Variants in KCNH8 observed in about 807,000 individuals in gnomAD.
KCNH8 encodes the protein potassium voltage-gated channel subfamily H member 8.
Under a neutral mutation model 103.6 loss-of-function variants are expected in KCNH8, and 70 were observed. The observed-to-expected ratio is 0.68, with a 90% CI of 0.56 to 0.82. The LOEUF is 0.82. Among genes scored for constraint, KCNH8 ranks in the 40% least tolerant of loss-of-function variants. KCNH8 has a pLI of 0.00. For missense variants in KCNH8, 1,217 were observed against 1,329.9 expected, an observed-to-expected ratio of 0.92 and a Z score of 1.32; for synonymous variants, 498 against 489.4, an observed-to-expected ratio of 1.02 and a Z score of -0.23.
intron 5 of KCNH8, among the ~76,000 whole-genome samples, chr3:19,362,823 T>C (rs1383795475): frequency 6.6e-6 from 1 of 152,054 alleles, no homozygotes; most frequent in Non-Finnish European, 1.5e-5. Context: ...CACGCCTGGC[T>C]AATTTTGTTG....
At position 19,516,136 on chromosome 3, in the gene KCNH8, A is replaced by C. The variant is rs113889523; in HGVS notation, c.2542+708A>C. On this transcript the variant is annotated intron_variant, in intron 14 of 15. Coordinates refer to ENST00000328405, the MANE Select transcript of KCNH8 (RefSeq NM_144633.3). ...GAGACAATCCAAAACAATTACCAGC[A>C]AACTACCTAATGCAAGGCCAGCAAT... Among the ~76,000 whole-genome samples, 196 of 152,216 alleles carry C rather than the reference A, an allele frequency of 1.3e-3. 2 individuals are homozygous for C. The highest frequency in any genetic ancestry group is 4.2e-3 in the African/African-American group (174 of 41,566).
At chr3:19,249,628 AT>A (rs1185642674) in intron 1 of KCNH8, among the ~76,000 whole-genome samples, 1 of 152,202 alleles carries the variant, frequency 6.6e-6, no homozygotes, top group Non-Finnish European at 1.5e-5. Context: ...TTCATAAACA[AT>A]TATAAAGATG....
At chr3:19,482,118 T>C (rs569386708) in intron 11 of KCNH8, among the ~76,000 whole-genome samples, 59 of 152,250 alleles carry the variant, frequency 3.9e-4, no homozygotes, top group African/African-American at 1.4e-3. Flanking sequence ...AGGCAGTACG[T>C]GACTGGGGGC....
At chr3:19,291,168 A>G (rs1248727957) in intron 3 of KCNH8, among the ~76,000 whole-genome samples, 5 of 151,988 alleles carry the variant, frequency 3.3e-5, no homozygotes, top group African/African-American at 1.2e-4. Context: ...CAGTCTATCA[A>G]TTTTATTGAT....
intron 8 of KCNH8, chr3:19,448,836 C>T (rs1575078135): frequency 2.5e-6 from 1 of 398,992 alleles, no homozygotes; most frequent in East Asian, 8.0e-5. Context: ...CTAATCCTGT[C>T]CCAGAATAAG....
chr3:19,168,284 C>G (rs1383845197), intron 1 of KCNH8, among the ~76,000 whole-genome samples: 1 of 152,058 alleles, frequency 6.6e-6, no homozygotes, highest in Non-Finnish European at 1.5e-5. Context: ...GGCTCAGTCT[C>G]CCAAAGTGCT....
At chr3:19,325,050 C>T (rs2065402898) in intron 3 of KCNH8, among the ~76,000 whole-genome samples, 1 of 151,986 alleles carries the variant, frequency 6.6e-6, no homozygotes, top group African/African-American at 2.4e-5. Flanking sequence ...TACTTAAGAT[C>T]ACTAAGCTAT....
intron 2 of KCNH8, among the ~76,000 whole-genome samples, chr3:19,261,456 C>T (rs2064434680): frequency 6.6e-6 from 1 of 151,640 alleles, no homozygotes; most frequent in Non-Finnish European, 1.5e-5. Flanking sequence ...GTTTCCTTGC[C>T]ATTGAGTTGT....
At chr3:19,519,906 A>G (rs1478475441) in intron 15 of KCNH8, among the ~76,000 whole-genome samples, 1 of 151,740 alleles carries the variant, frequency 6.6e-6, no homozygotes. Flanking sequence ...AAAAATATCT[A>G]TATGTTCACC....
intron 15 of KCNH8, among the ~76,000 whole-genome samples, chr3:19,526,552 C>G (rs981132174): frequency 3.9e-5 from 6 of 151,920 alleles, no homozygotes; most frequent in African/African-American, 1.2e-4. Flanking sequence ...CACACCAGAA[C>G]AGTAAATCTG....
At chr3:19,317,615 G>A (rs1286545231) in intron 3 of KCNH8, among the ~76,000 whole-genome samples, 3 of 151,828 alleles carry the variant, frequency 2.0e-5, no homozygotes, top group African/African-American at 7.3e-5. Flanking sequence ...TATGATCCAA[G>A]AAAGCAGTTG....
intron 15 of KCNH8, among the ~76,000 whole-genome samples, chr3:19,518,396 C>T (rs954559705): frequency 2.6e-5 from 4 of 151,988 alleles, no homozygotes; most frequent in African/African-American, 9.7e-5. Flanking sequence ...TTAATTGGTA[C>T]ATTTTAAACT....
At chr3:19,361,718 A>G (rs1273222577) in intron 5 of KCNH8, among the ~76,000 whole-genome samples, 2 of 152,150 alleles carry the variant, frequency 1.3e-5, no homozygotes, top group African/African-American at 4.8e-5. Context: ...TTATAAGCAT[A>G]TATACACATT....
chr3:19,343,240 C>T (rs182188067), intron 4 of KCNH8, among the ~76,000 whole-genome samples: 1 of 152,060 alleles, frequency 6.6e-6, no homozygotes, highest in Admixed American at 6.6e-5. Context: ...AATTGCATAC[C>T]ATACGTTAAA....
At chr3:19,358,479 C>G (rs1315355613) in intron 5 of KCNH8, among the ~76,000 whole-genome samples, 1 of 151,648 alleles carries the variant, frequency 6.6e-6, no homozygotes, top group African/African-American at 2.4e-5. Context: ...AAAGTGAAGC[C>G]AGAAGGAAGG....
At chr3:19,517,549 T>C (rs1228234291) in intron 14 of KCNH8, among the ~76,000 whole-genome samples, 1 of 152,002 alleles carries the variant, frequency 6.6e-6, no homozygotes, top group Non-Finnish European at 1.5e-5. Flanking sequence ...CTGCAGTGGA[T>C]ATCAGTATCT....
At chr3:19,169,243 GTTTC>G (rs1380143151) in intron 1 of KCNH8, among the ~76,000 whole-genome samples, 9 of 139,326 alleles carry the variant, frequency 6.5e-5, no homozygotes, top group East Asian at 6.3e-4. Flanking sequence ...TCACTCTTTT[GTTTC>G]TTTCTTTCTT....
Position 19,533,764 on chromosome 3 carries a change from C to T in KCNH8, c.2989C>T (p.His997Tyr). The T allele has an allele frequency of 6.2e-7, 1 of 1,614,152 alleles. No individual in the cohort carries two copies. The highest frequency in any genetic ancestry group is 8.5e-7 in the Non-Finnish European group (1 of 1,179,984). The change falls in exon 16 of 16, where the codon CAC (histidine) becomes TAC (tyrosine). Residue 997 changes from histidine to tyrosine, a missense_variant. This residue lies in a region of KCNH8 where 558 missense variants were observed against 495.8 expected (regional missense o/e 1.13). Transcript: ENST00000328405. ...TCCAAGCCTTGATTATTCACCTTCC[C>T]ACTACCAGGTTGTCCAAGAAGGTCA... ...HSPSLDYSPS[H>Y]YQVVQEGHLQ...
chr3:19,173,528 A>C (rs2063368563), intron 1 of KCNH8, among the ~76,000 whole-genome samples: 1 of 152,164 alleles, frequency 6.6e-6, no homozygotes, highest in Non-Finnish European at 1.5e-5. Context: ...CTTTGTTCAC[A>C]ACATACTCAA....
Sources: allele counts gnomAD v4.1 joint callset (sites outside exome capture counted in the v4.1 genomes callset), GRCh38; gene constraint gnomAD v4.1.1; regional missense constraint gnomAD v4.1.1; transcripts MANE v1.5; gene names NCBI Gene and HGNC (gene_info 2026-07-23, HGNC 2026-07-21).